RNF38: variants seen among roughly 807,000 people sequenced by gnomAD.
RNF38 encodes E3 ubiquitin-protein ligase RNF38.
In RNF38, 15 loss-of-function variants were observed where a neutral mutation model predicts 67.2. The observed-to-expected ratio is 0.22, with a 90% CI of 0.15 to 0.34. The LOEUF (loss-of-function observed/expected upper bound fraction) is 0.34, where lower values mean the gene tolerates loss of function less well. Ranked by LOEUF, RNF38 falls within the 10% of genes least tolerant of loss-of-function variation. RNF38 has a pLI of 1.00. For missense variants in RNF38, 524 were observed against 639.9 expected (o/e 0.82, Z 1.95); for synonymous variants, 220 against 218.8 (o/e 1.01, Z -0.05).
upstream of RNF38, chr9:36,400,270 G>A: frequency 7.4e-7 from 1 of 1,349,704 alleles, no homozygotes; most frequent in South Asian, 1.9e-5. Context: ...GCAGAAGGAC[G>A]CCAGAGAGGA....
At chr9:36,406,924 G>A (rs1033041023) in intron 2 of RNF38, among the ~76,000 whole-genome samples, 3 of 152,134 alleles carry the variant, frequency 2.0e-5, no homozygotes, top group African/African-American at 4.8e-5. Flanking sequence ...CACTTTGAGA[G>A]GCCAAGGCGG....
chr9:36,408,783 C>T (rs1413133811), intron 2 of RNF38, among the ~76,000 whole-genome samples: 4 of 152,256 alleles, frequency 2.6e-5, no homozygotes, highest in Middle Eastern at 3.4e-3. Flanking sequence ...GAAAAGCAAG[C>T]GCTCAAATCA....
chr9:36,383,890 A>G (rs1836397609), intron 2 of RNF38, among the ~76,000 whole-genome samples: 1 of 152,108 alleles, frequency 6.6e-6, no homozygotes. Flanking sequence ...TAGTAGTATA[A>G]CGTATTGCAA....
chr9:36,360,668 T>C (rs1464421924), intron 4 of RNF38, among the ~76,000 whole-genome samples: 3 of 152,230 alleles, frequency 2.0e-5, no homozygotes, highest in African/African-American at 7.2e-5. Flanking sequence ...GTTAGCAAAC[T>C]AGAACCTTCA....
intron 1 of RNF38, among the ~76,000 whole-genome samples, chr9:36,439,048 G>A (rs1329848480): frequency 2.2e-5 from 3 of 139,282 alleles, no homozygotes; most frequent in Non-Finnish European, 3.1e-5. Flanking sequence ...TCAAATCTAT[G>A]CAGAATAGAG....
At chr9:36,462,514 TAGA>T (rs1839756730) in intron 1 of RNF38, among the ~76,000 whole-genome samples, 1 of 152,108 alleles carries the variant, frequency 6.6e-6, no homozygotes, top group Admixed American at 6.5e-5. Context: ...CCTAATAGTC[TAGA>T]AGGTCACCAT....
Position 36,357,852 on chromosome 9 carries a change from A to G in RNF38, c.661T>C (p.Cys221Arg). The G allele has an allele frequency of 3.7e-6, 6 of 1,613,522 alleles. No individual in the cohort carries two copies. The highest frequency in any genetic ancestry group is 5.1e-6 in the Non-Finnish European group (6 of 1,179,468). Residue 221 changes from cysteine (C) to arginine (R), a missense_variant, in exon 5 of 12, where the codon TGT (cysteine) becomes CGT (arginine). This residue lies in a region of RNF38 where 461 missense variants were observed against 517.4 expected (regional missense o/e 0.89). Transcript: ENST00000259605. ...PLCTGQHIPA[C>R]STQQVPGCSV... Reference sequence around the variant, plus strand: ...CATCCTGGGACCTGCTGTGTACTACAAGCAGGGATGTGCTGGCCTGTGCAG... The same window carrying G: ...CATCCTGGGACCTGCTGTGTACTACGAGCAGGGATGTGCTGGCCTGTGCAG...
At chr9:36,404,915 G>T (rs1265856333), upstream of RNF38, among the ~76,000 whole-genome samples, 2 of 150,730 alleles carry the variant, frequency 1.3e-5, no homozygotes, top group East Asian at 1.9e-4. Flanking sequence ...TTGTAGTTTT[G>T]TTTTTTTTTA....
intron 1 of RNF38, among the ~76,000 whole-genome samples, chr9:36,445,335 T>C (rs892610960): frequency 1.3e-5 from 2 of 152,352 alleles, no homozygotes; most frequent in Non-Finnish European, 2.9e-5. Context: ...ACAAAGTAGA[T>C]TTTGTGGCCA....
intron 4 of RNF38, 114 bp from the exon 5 acceptor site, chr9:36,358,056 A>G: frequency 2.6e-6 from 2 of 758,550 alleles, no homozygotes; most frequent in South Asian, 1.7e-5. Flanking sequence ...GGATTTTCAC[A>G]ATGTACTCTC....
At chr9:36,411,424 C>T (rs1838322454) in intron 2 of RNF38, among the ~76,000 whole-genome samples, 1 of 151,996 alleles carries the variant, frequency 6.6e-6, no homozygotes, top group African/African-American at 2.4e-5. Flanking sequence ...TGGGTATATA[C>T]CAAAAAGAAC....
intron 1 of RNF38, 72 bp downstream of exon 1, chr9:36,400,025 A>G: frequency 7.3e-7 from 1 of 1,363,612 alleles, no homozygotes. Context: ...TACTTACGGT[A>G]GAATTAGCAT....
At chr9:36,377,994 A>C (rs1255929848) in intron 2 of RNF38, among the ~76,000 whole-genome samples, 1 of 146,822 alleles carries the variant, frequency 6.8e-6, no homozygotes, top group Non-Finnish European at 1.5e-5. Flanking sequence ...AAAGTTAGTT[A>C]TGTTCTGATA....
chr9:36,429,539 G>C lies in RNF38; in HGVS notation n.242-4856C>G, dbSNP rs539067457. Among the ~76,000 whole-genome samples the C allele has an allele frequency of 2.0e-5, 3 of 152,310 alleles. No homozygotes were observed. In the South Asian group the frequency reaches 6.2e-4, roughly 32 times the overall value. On this transcript the variant is annotated intron_variant and non_coding_transcript_variant, in intron 1 of 3. Transcript: ENST00000488058. ...CTCACGCCTGTAATCCCAGCACTTT[G>C]GGAGGCTGAGGTGGGAGGATCATGA...
At chr9:36,398,216 T>C (rs1173728721) in intron 1 of RNF38, among the ~76,000 whole-genome samples, 3 of 152,100 alleles carry the variant, frequency 2.0e-5, no homozygotes, top group South Asian at 4.2e-4. Flanking sequence ...TACAAGAAGA[T>C]AATAGGGCTC....
At position 36,474,772 on chromosome 9, in the gene RNF38, T is replaced by C. The variant is rs896451386; in HGVS notation, n.241+12536A>G. Among the ~76,000 whole-genome samples, 8 of 147,758 alleles carry C rather than the reference T, an allele frequency of 5.4e-5. 1 individual carries two copies. Among genetic ancestry groups the C allele is most frequent in the African/African-American group, 1.8e-4 (7 of 39,872 alleles). On this transcript the variant is annotated intron_variant and non_coding_transcript_variant, in intron 1 of 3. Coordinates refer to the RNF38 transcript ENST00000488058. ...TATTATCTAGATATTTAAAAATAGG[T>C]AGAATTTAGAAAAGGAACTGAAGGG...
intron 2 of RNF38, among the ~76,000 whole-genome samples, chr9:36,418,142 C>T (rs963198322): frequency 6.6e-6 from 1 of 151,710 alleles, no homozygotes; most frequent in African/African-American, 2.4e-5. Context: ...AATCTTCCCG[C>T]CTCAGCCTCC....
At chr9:36,463,735 T>C (rs560936507) in intron 1 of RNF38, among the ~76,000 whole-genome samples, 1 of 152,338 alleles carries the variant, frequency 6.6e-6, no homozygotes, top group East Asian at 1.9e-4. Context: ...TTCCAAATAA[T>C]TGAACCATGC....
At position 36,451,185 on chromosome 9, in the gene RNF38, C is replaced by T. The variant is rs1321356252; in HGVS notation, n.242-26502G>A. On this transcript the variant is annotated intron_variant and non_coding_transcript_variant, in intron 1 of 3. Coordinates refer to the RNF38 transcript ENST00000488058. ...AACAAATAAACTGCAGTATTTTGGC[C>T]GGGCGCAGTGGCTCATGTCTGTAAT... Among the ~76,000 whole-genome samples, 7 of 151,966 alleles carry T rather than the reference C, an allele frequency of 4.6e-5. No individual in the cohort carries two copies. In the South Asian group the frequency reaches 8.3e-4, roughly 18 times the overall value.
Sources: gnomAD v4.1 joint callset for allele counts (sites outside exome capture counted in the v4.1 genomes callset) on GRCh38, gnomAD v4.1.1 for gene constraint, gnomAD v4.1.1 regional missense constraint, MANE v1.5 for transcripts, NCBI Gene and HGNC (gene_info 2026-07-23, HGNC 2026-07-21) for gene names.